Variants in GPR15LG observed in about 807,000 individuals in gnomAD.
GPR15LG encodes the protein G protein-coupled receptor 15 ligand.
At chr10:84,182,483 C>T in the GPR15LG span, among the ~76,000 whole-genome samples, 1 of 152,156 alleles carries the variant, frequency 6.6e-6, no homozygotes, top group Non-Finnish European at 1.5e-5. Flanking sequence ...GCTGGGGTCT[C>T]TCATATTTTT....
At chr10:84,184,404 C>T in the GPR15LG span, among the ~76,000 whole-genome samples, 1 of 152,200 alleles carries the variant, frequency 6.6e-6, no homozygotes, top group African/African-American at 2.4e-5. Context: ...CTTAGGTGGG[C>T]TCCACTTAGG....
the GPR15LG span, among the ~76,000 whole-genome samples, chr10:84,177,409 C>T: frequency 1.3e-5 from 2 of 152,194 alleles, no homozygotes; most frequent in African/African-American, 4.8e-5. Flanking sequence ...CTGACACCAA[C>T]CTGGGGCTCC....
At chr10:84,179,765 A>G in the GPR15LG span, among the ~76,000 whole-genome samples, 1 of 151,972 alleles carries the variant, frequency 6.6e-6, no homozygotes, top group Non-Finnish European at 1.5e-5. Context: ...GGATGACAAT[A>G]TGTGGAAGGC....
the GPR15LG span, among the ~76,000 whole-genome samples, chr10:84,179,594 T>C: frequency 6.6e-6 from 1 of 152,198 alleles, no homozygotes; most frequent in African/African-American, 2.4e-5. Flanking sequence ...AGCCCGTGCA[T>C]CTGTCTGTAG....
the GPR15LG span, among the ~76,000 whole-genome samples, chr10:84,174,494 C>CTTTTTTTT: frequency 2.0e-4 from 20 of 98,714 alleles, no homozygotes; most frequent in African/African-American, 2.3e-4. Context: ...TTTCTTTTTT[C>CTTTTTTTT]TTTTTTTTTT....
the GPR15LG span, among the ~76,000 whole-genome samples, chr10:84,182,643 G>A: frequency 6.6e-6 from 1 of 152,200 alleles, no homozygotes; most frequent in South Asian, 2.1e-4. Flanking sequence ...GCCTCTTGAG[G>A]TACAGGCTCT....
At chr10:84,174,373 G>A in the GPR15LG span, among the ~76,000 whole-genome samples, 3 of 152,086 alleles carry the variant, frequency 2.0e-5, no homozygotes, top group Admixed American at 2.0e-4. Context: ...TCCATGAGCA[G>A]CTGAAATGAA....
the GPR15LG span, among the ~76,000 whole-genome samples, chr10:84,174,708 T>C: frequency 1.3e-5 from 2 of 152,116 alleles, no homozygotes; most frequent in East Asian, 1.9e-4. Flanking sequence ...GCCAGGCTGG[T>C]CTTGAACTCC....
chr10:84,185,000 G>T, the GPR15LG span: 2 of 1,365,312 alleles, frequency 1.5e-6, no homozygotes, highest in Non-Finnish European at 1.9e-6. Flanking sequence ...GGCCTCAGTC[G>T]CCACCATGTG....
At chr10:84,176,687 C>T in the GPR15LG span, 1 of 671,544 alleles carries the variant, frequency 1.5e-6, no homozygotes, top group Non-Finnish European at 2.6e-6. Flanking sequence ...GCTGGGAGGA[C>T]ATCTTTGTTT....
the GPR15LG span, among the ~76,000 whole-genome samples, chr10:84,183,853 G>C: frequency 6.6e-6 from 1 of 151,834 alleles, no homozygotes; most frequent in African/African-American, 2.4e-5. Flanking sequence ...ATCATGTTGC[G>C]CAGGCTGTTC....
At chr10:84,175,661 T>G in the GPR15LG span, among the ~76,000 whole-genome samples, 107 of 152,212 alleles carry the variant, frequency 7.0e-4, no homozygotes, top group East Asian at 0.017. Flanking sequence ...CGCACCACAA[T>G]GCCCTGCTAA....
At chr10:84,185,095 A>G in the GPR15LG span, 1 of 1,163,682 alleles carries the variant, frequency 8.6e-7, no homozygotes. Flanking sequence ...GCTAGAGTGC[A>G]GGGTGGCAAG....
the GPR15LG span, chr10:84,176,373 T>C: frequency 2.5e-6 from 2 of 812,660 alleles, no homozygotes; most frequent in Admixed American, 1.9e-5. Context: ...TGGCTCATCC[T>C]GAGTTTCTCT....
the GPR15LG span, among the ~76,000 whole-genome samples, chr10:84,177,923 C>T: frequency 1.3e-5 from 2 of 152,142 alleles, no homozygotes; most frequent in Non-Finnish European, 2.9e-5. Flanking sequence ...GGTGTGTGAG[C>T]CCCCACCACA....
the GPR15LG span, chr10:84,185,032 C>T: frequency 3.8e-5 from 49 of 1,295,542 alleles, 1 homozygote; most frequent in South Asian, 6.8e-5. Context: ...TGCAAACCAC[C>T]GAGCATTCCA....
chr10:84,178,491 C>G, the GPR15LG span, among the ~76,000 whole-genome samples: 1 of 151,920 alleles, frequency 6.6e-6, no homozygotes, highest in South Asian at 2.1e-4. Context: ...ACTATACACA[C>G]AGACACACAC....
At chr10:84,182,806 C>T in the GPR15LG span, among the ~76,000 whole-genome samples, 6 of 152,126 alleles carry the variant, frequency 3.9e-5, no homozygotes, top group African/African-American at 1.4e-4. Context: ...TGCAACCAGT[C>T]AACCACAAAA....
the GPR15LG span, chr10:84,185,164 C>A: frequency 2.3e-6 from 2 of 871,182 alleles, no homozygotes; most frequent in Non-Finnish European, 1.4e-6. Flanking sequence ...TCCATTCAGC[C>A]TCCTGGCATT....
Sources: allele counts gnomAD v4.1 joint callset (sites outside exome capture counted in the v4.1 genomes callset), GRCh38; gene constraint gnomAD v4.1.1; transcripts MANE v1.5; gene names NCBI Gene and HGNC (gene_info 2026-07-23, HGNC 2026-07-21).